The following SUMF1 variants were observed in gnomAD, a reference collection of about 807,000 sequenced individuals.
SUMF1 encodes the protein sulfatase modifying factor 1, also known as formylglycine-generating enzyme.
Under a neutral mutation model 47.6 loss-of-function variants are expected in SUMF1, and 48 were observed. The observed-to-expected ratio is 1.01, with a 90% CI of 0.80 to 1.28. The LOEUF is 1.28. Among genes scored for constraint, SUMF1 ranks in the 50% most tolerant of loss-of-function variants. SUMF1 has a pLI of 0.00. For missense variants in SUMF1, 571 were observed against 485.4 expected, an observed-to-expected ratio of 1.18 and a Z score of -1.66; for synonymous variants, 230 against 192.1, an observed-to-expected ratio of 1.20 and a Z score of -1.63.
chr3:4,104,881 A>C (rs1325725158), intron 8 of SUMF1, among the ~76,000 whole-genome samples: 1 of 152,080 alleles, frequency 6.6e-6, no homozygotes, highest in Non-Finnish European at 1.5e-5. Flanking sequence ...TCTGGTATAC[A>C]TTCAAAGGGA....
intron 8 of SUMF1, among the ~76,000 whole-genome samples, chr3:4,074,280 T>C (rs1692360142): frequency 6.6e-6 from 1 of 152,146 alleles, no homozygotes; most frequent in African/African-American, 2.4e-5. Context: ...AAAGATATTC[T>C]TTGAAACCAA....
At chr3:4,431,157 T>C (rs1702220230) in intron 3 of SUMF1, among the ~76,000 whole-genome samples, 1 of 152,078 alleles carries the variant, frequency 6.6e-6, no homozygotes, top group South Asian at 2.1e-4. Context: ...CCTAGGCAAA[T>C]AGAGATGGGT....
At chr3:4,277,617 C>A (rs114183526) in intron 8 of SUMF1, among the ~76,000 whole-genome samples, 3 of 151,908 alleles carry the variant, frequency 2.0e-5, no homozygotes, top group Admixed American at 6.6e-5. Flanking sequence ...AAATGAAAAA[C>A]GTTTATAATC....
rs1285121192 is a variant in SUMF1 at position 4,161,069 on chromosome 3, TCA to T, written c.1015-92326_1015-92325del. Among the ~76,000 whole-genome samples the T allele has an allele frequency of 3.3e-5, 5 of 152,298 alleles. No homozygotes were observed. The East Asian group carries it at 7.7e-4, about 24-fold the overall frequency. On this transcript the variant is annotated intron_variant and NMD_transcript_variant, in intron 8 of 12. Transcript: ENST00000448413. The stretch of plus-strand genomic sequence containing the variant: ...GGGAACACCCCAAGCCCAGTAATGC[TCA>T]GATTCATAGAGATACCACCTTGATG...
chr3:4,426,710 C>A (rs1282488573), intron 3 of SUMF1, among the ~76,000 whole-genome samples: 1 of 152,200 alleles, frequency 6.6e-6, no homozygotes, highest in Non-Finnish European at 1.5e-5. Flanking sequence ...AGTGGACTGG[C>A]ATCTATGATA....
intron 8 of SUMF1, among the ~76,000 whole-genome samples, chr3:4,070,718 C>T (rs894850479): frequency 2.0e-5 from 3 of 152,004 alleles, no homozygotes; most frequent in Non-Finnish European, 4.4e-5. Flanking sequence ...TCACTGCAAG[C>T]TCCACCTCCT....
intron 7 of SUMF1, among the ~76,000 whole-genome samples, chr3:4,394,654 C>G (rs1700983990): frequency 6.6e-6 from 1 of 152,190 alleles, no homozygotes; most frequent in Non-Finnish European, 1.5e-5. Flanking sequence ...CTACAGAAGA[C>G]ATTTACTAAG....
intron 8 of SUMF1, among the ~76,000 whole-genome samples, chr3:4,133,648 A>T (rs1005212773): frequency 6.6e-6 from 1 of 152,106 alleles, no homozygotes; most frequent in Non-Finnish European, 1.5e-5. Context: ...TTCACCCTAC[A>T]TCTTTCTCCC....
intron 8 of SUMF1, among the ~76,000 whole-genome samples, chr3:4,276,155 C>G (rs1697410876): frequency 6.6e-6 from 1 of 152,148 alleles, no homozygotes; most frequent in Non-Finnish European, 1.5e-5. Flanking sequence ...GGCCCAGCAT[C>G]ATTCTCTGAT....
At chr3:4,295,603 T>C (rs981475286) in intron 8 of SUMF1, among the ~76,000 whole-genome samples, 11 of 152,190 alleles carry the variant, frequency 7.2e-5, no homozygotes, top group Non-Finnish European at 1.2e-4. Context: ...TCTGCTCTCA[T>C]AGCCTTGGTA....
chr3:4,194,643 G>T (rs1236475588), intron 8 of SUMF1, among the ~76,000 whole-genome samples: 1 of 152,164 alleles, frequency 6.6e-6, no homozygotes, highest in Non-Finnish European at 1.5e-5. Context: ...GAGAATTACA[G>T]GAGAAAATGC....
chr3:4,141,431 T>G (rs1045031811), intron 8 of SUMF1, among the ~76,000 whole-genome samples: 1 of 152,110 alleles, frequency 6.6e-6, no homozygotes, highest in Admixed American at 6.6e-5. Context: ...AGAGGATAAC[T>G]TGACCAGCAG....
intron 8 of SUMF1, among the ~76,000 whole-genome samples, chr3:4,187,261 C>G (rs1171281305): frequency 1.3e-5 from 2 of 152,000 alleles, no homozygotes; most frequent in Non-Finnish European, 2.9e-5. Flanking sequence ...CCCAGCTACT[C>G]AGGAGGCAAA....
At chr3:4,185,861 G>C (rs1343055285) in intron 8 of SUMF1, among the ~76,000 whole-genome samples, 4 of 152,104 alleles carry the variant, frequency 2.6e-5, no homozygotes, top group Non-Finnish European at 5.9e-5. Context: ...TGTTTTTTCA[G>C]GAATGTTCCT....
chr3:4,066,358 G>C lies in SUMF1; in HGVS notation c.1191+2211C>G, dbSNP rs551906258. ...AGAGTAAAAAGTGAGGAGATAACTAGTTAACATAAAATTTAACTGTTATAT... is the reference window on the plus strand; with the variant it reads ...AGAGTAAAAAGTGAGGAGATAACTACTTAACATAAAATTTAACTGTTATAT... On this transcript the variant is annotated intron_variant and NMD_transcript_variant, in intron 9 of 12. Transcript: ENST00000448413. Among the ~76,000 whole-genome samples the C allele has an allele frequency of 5.9e-5, 9 of 152,104 alleles. No individual in the cohort carries two copies. The South Asian group carries it at 1.9e-3, about 32-fold the overall frequency.
chr3:4,198,895 A>C (rs1041294440), intron 8 of SUMF1, among the ~76,000 whole-genome samples: 3 of 152,192 alleles, frequency 2.0e-5, no homozygotes, highest in African/African-American at 7.2e-5. Context: ...ACTCACTTTA[A>C]AAATAAGAAA....
In SUMF1 at chr3:4,272,583, C is replaced by A. The variant is rs890161045; in HGVS notation, c.1014+103747G>T. Among the ~76,000 whole-genome samples the A allele has an allele frequency of 2.0e-5, 3 of 152,108 alleles. No homozygotes were observed. In the East Asian group the frequency reaches 5.8e-4, roughly 29 times the overall value. The stretch of plus-strand genomic sequence containing the variant: ...AGCGGGAGGAGCAGACCTTTCAGAC[C>A]TGAGGGAGAACCTGGGTGTGGCATC... On this transcript the variant is annotated intron_variant and NMD_transcript_variant, in intron 8 of 12. Transcript: ENST00000448413.
Position 4,139,391 on chromosome 3 carries a change from A to G in SUMF1, c.1015-70646T>C, listed in dbSNP as rs192442270. ...GATATAAGAATTCAGAAAAAAATCAATAATAGCATTCTGTGAGAATCAATT... is the reference window on the plus strand; with the variant it reads ...GATATAAGAATTCAGAAAAAAATCAGTAATAGCATTCTGTGAGAATCAATT... On this transcript the variant is annotated intron_variant and NMD_transcript_variant, in intron 8 of 12. Coordinates refer to the SUMF1 transcript ENST00000448413. Among the ~76,000 whole-genome samples the G allele has an allele frequency of 2.5e-4, 38 of 152,130 alleles. No individual in the cohort carries two copies. In the South Asian group the frequency reaches 5.6e-3, roughly 22 times the overall value.
chr3:4,086,097 G>A (rs972738955), intron 8 of SUMF1, among the ~76,000 whole-genome samples: 2 of 150,578 alleles, frequency 1.3e-5, no homozygotes, highest in African/African-American at 4.9e-5. Context: ...TAAACACAGA[G>A]AACACAGAAA....
Sources: gnomAD v4.1 joint callset for allele counts (sites outside exome capture counted in the v4.1 genomes callset) on GRCh38, gnomAD v4.1.1 for gene constraint, MANE v1.5 for transcripts, NCBI Gene and HGNC (gene_info 2026-07-23, HGNC 2026-07-21) for gene names.